Variants in SRRM3 observed in about 807,000 individuals in gnomAD.
SRRM3 encodes the protein serine/arginine repetitive matrix protein 3.
SRRM3 carries 27 observed loss-of-function variants against 66.2 expected under a neutral mutation model. The ratio of observed to expected loss-of-function variants is 0.41; its 90% confidence interval spans 0.30 to 0.56. The LOEUF (loss-of-function observed/expected upper bound fraction) is 0.56. Among genes scored for constraint, SRRM3 ranks in the 20% least tolerant of loss-of-function variants. SRRM3 has a pLI of 0.32. For synonymous variants in SRRM3, 391 were observed against 414.9 expected, an observed-to-expected ratio of 0.94 and a Z score of 0.70; for missense variants, 918 against 991.9, an observed-to-expected ratio of 0.93 and a Z score of 1.00.
intron 1 of SRRM3, among the ~76,000 whole-genome samples, chr7:76,205,265 A>G (rs1372980024): frequency 6.6e-6 from 1 of 151,980 alleles, no homozygotes; most frequent in Non-Finnish European, 1.5e-5. Flanking sequence ...GCTGGAGTGC[A>G]GTGGTGCAAT....
chr7:76,271,193 G>A (rs890457208), intron 11 of SRRM3, among the ~76,000 whole-genome samples: 1 of 149,512 alleles, frequency 6.7e-6, no homozygotes, highest in African/African-American at 2.5e-5. Flanking sequence ...CCCAGGCAGG[G>A]CGCAGTGGCT....
chr7:76,241,675 T>C (rs1249350039), intron 2 of SRRM3, among the ~76,000 whole-genome samples: 9 of 152,124 alleles, frequency 5.9e-5, no homozygotes, highest in African/African-American at 1.9e-4. Context: ...AGCTGATTTC[T>C]GTATTTTTAG....
chr7:76,228,534 C>A (rs1800936341), intron 1 of SRRM3, among the ~76,000 whole-genome samples: 1 of 151,924 alleles, frequency 6.6e-6, no homozygotes, highest in African/African-American at 2.4e-5. Flanking sequence ...ACCAGTCTGG[C>A]CAACATAGTG....
At chr7:76,282,416 G>A (rs1802545195) in intron 12 of SRRM3, among the ~76,000 whole-genome samples, 1 of 44,454 alleles carries the variant, frequency 2.2e-5, no homozygotes, top group African/African-American at 9.7e-5. Context: ...CCCCCATCCC[G>A]CAGAACAATC....
At chr7:76,221,302 G>A (rs1263590529) in intron 1 of SRRM3, among the ~76,000 whole-genome samples, 1 of 149,134 alleles carries the variant, frequency 6.7e-6, no homozygotes, top group Non-Finnish European at 1.5e-5. Context: ...TGATCCACCC[G>A]CCTCAGCCTC....
chr7:76,203,080 C>G (rs2116915373), intron 1 of SRRM3, among the ~76,000 whole-genome samples: 1 of 152,302 alleles, frequency 6.6e-6, no homozygotes, highest in African/African-American at 2.4e-5. Context: ...GCACAAGTTC[C>G]TCTGTCCAGG....
chr7:76,281,856 C>T, intron 12 of SRRM3, 54 bp downstream of exon 12: 1 of 1,166,620 alleles, frequency 8.6e-7, no homozygotes, highest in South Asian at 2.5e-5. Flanking sequence ...CACAGGGCTC[C>T]CCTCCACTAG....
intron 11 of SRRM3, among the ~76,000 whole-genome samples, chr7:76,279,956 C>T (rs1357340107): frequency 6.7e-6 from 1 of 149,816 alleles, no homozygotes; most frequent in Non-Finnish European, 1.5e-5. Flanking sequence ...GGTTGCGTTT[C>T]TCTCTCTCTC....
chr7:76,277,054 T>C (rs1207163190), intron 11 of SRRM3, among the ~76,000 whole-genome samples: 4 of 152,182 alleles, frequency 2.6e-5, no homozygotes, highest in African/African-American at 9.7e-5. Context: ...GATTCCAGGG[T>C]GTTCCACTTT....
chr7:76,275,420 T>G (rs565178262), intron 11 of SRRM3, among the ~76,000 whole-genome samples: 1 of 149,790 alleles, frequency 6.7e-6, no homozygotes, highest in South Asian at 2.1e-4. Context: ...GCCCAGGAAT[T>G]TGAGGCTACA....
At chr7:76,282,018 C>G (rs1802529246) in intron 12 of SRRM3, among the ~76,000 whole-genome samples, 1 of 130,500 alleles carries the variant, frequency 7.7e-6, no homozygotes, top group South Asian at 2.7e-4. Context: ...CCCCACGGAT[C>G]TCAACCCCCC....
intron 1 of SRRM3, among the ~76,000 whole-genome samples, chr7:76,229,566 T>G (rs1262992811): frequency 6.6e-6 from 1 of 152,162 alleles, no homozygotes; most frequent in Non-Finnish European, 1.5e-5. Flanking sequence ...CATGCATTTT[T>G]GGCATCCACA....
chr7:76,254,212 G>T (rs1168751955), intron 3 of SRRM3, among the ~76,000 whole-genome samples: 51 of 151,626 alleles, frequency 3.4e-4, no homozygotes, highest in African/African-American at 1.2e-3. Context: ...TACAGACGGG[G>T]GTCTTGCTTT....
At chr7:76,268,136 AC>A (rs1173802813) in intron 11 of SRRM3, 1 of 148,924 alleles carries the variant, frequency 6.7e-6, no homozygotes, top group Admixed American at 6.7e-5. Flanking sequence ...CCACACCAAC[AC>A]CCCCAAAACT....
At chr7:76,247,832 T>C (rs1477596229) in intron 2 of SRRM3, among the ~76,000 whole-genome samples, 1 of 152,064 alleles carries the variant, frequency 6.6e-6, no homozygotes, top group Non-Finnish European at 1.5e-5. Context: ...GTAGCGGGGA[T>C]TGCAGGCGCC....
At chr7:76,276,584 C>T (rs191372079) in intron 11 of SRRM3, among the ~76,000 whole-genome samples, 36 of 152,216 alleles carry the variant, frequency 2.4e-4, no homozygotes, top group African/African-American at 7.7e-4. Context: ...GAGGGGATCC[C>T]TGCAAGAGGC....
At chr7:76,274,969 G>C (rs1195541973) in intron 11 of SRRM3, among the ~76,000 whole-genome samples, 2 of 152,090 alleles carry the variant, frequency 1.3e-5, no homozygotes, top group African/African-American at 4.8e-5. Flanking sequence ...AGCCGGGCAT[G>C]GTGTTACATG....
At position 76,281,606 on chromosome 7, in the gene SRRM3, A is replaced by C. The variant is rs1802510245; in HGVS notation, c.1174A>C (p.Arg392=). The C allele has an allele frequency of 6.2e-6, 6 of 975,346 alleles. No homozygotes were observed. The highest frequency in any genetic ancestry group is 4.6e-5 in the South Asian group (1 of 21,866). The allele number at this position is 975,346 out of a possible 1,614,324, so 60.4% of individuals were successfully genotyped here. A position where few individuals can be genotyped will look rare whatever the true frequency, so the allele number is the denominator to read the frequency against. Residue 392 remains arginine (R), a synonymous_variant, in exon 12 of 15, where the codon AGG becomes CGG. Transcript: ENST00000611745. ...GGGCAGGCGGCGGCGGCGGCGGCGT[A>C]GGCGGCGGCGCTCGCGGTCCTCGGC... ...GAGRRRRRRR[R]RRRSRSSASA...
chr7:76,267,457 G>T (rs904667980), intron 11 of SRRM3, 22 bp downstream of exon 11: 34 of 1,329,200 alleles, frequency 2.6e-5, no homozygotes, highest in Non-Finnish European at 3.1e-5. Flanking sequence ...TCGCTTTGCG[G>T]AGGGTTCCCG....
Sources: allele counts gnomAD v4.1 joint callset (sites outside exome capture counted in the v4.1 genomes callset), GRCh38; gene constraint gnomAD v4.1.1; transcripts MANE v1.5; gene names NCBI Gene and HGNC (gene_info 2026-07-23, HGNC 2026-07-21).